Variants in IGSF21 observed in about 807,000 individuals in gnomAD.
IGSF21 encodes immunoglobulin superfamily member 21.
A neutral mutation model predicts 46.8 loss-of-function variants in IGSF21; 28 were observed. The ratio of observed to expected loss-of-function variants is 0.60; its 90% confidence interval spans 0.44 to 0.82. The LOEUF (loss-of-function observed/expected upper bound fraction) is 0.82. IGSF21 is among the 40% of genes least tolerant of loss of function. IGSF21 has a pLI of 0.00. For synonymous variants in IGSF21, 284 were observed against 273.6 expected, an observed-to-expected ratio of 1.04 and a Z score of -0.38; for missense variants, 624 against 665.5, an observed-to-expected ratio of 0.94 and a Z score of 0.69.
At chr1:18,165,016 A>G (rs867743365) in intron 1 of IGSF21, among the ~76,000 whole-genome samples, 26 of 151,766 alleles carry the variant, frequency 1.7e-4, no homozygotes, top group Admixed American at 1.6e-3. Context: ...TAGTTTGCTG[A>G]GAATGATGGT....
intron 2 of IGSF21, among the ~76,000 whole-genome samples, chr1:18,260,422 G>A (rs1208815510): frequency 6.6e-6 from 1 of 152,252 alleles, no homozygotes; most frequent in Non-Finnish European, 1.5e-5. Flanking sequence ...AGCCGATGGT[G>A]TTAGACAGCG....
At chr1:18,230,966 T>C (rs1410233121) in intron 2 of IGSF21, among the ~76,000 whole-genome samples, 2 of 151,768 alleles carry the variant, frequency 1.3e-5, no homozygotes, top group Non-Finnish European at 2.9e-5. Flanking sequence ...CCGAGTGCTG[T>C]TTGTTTTCTG....
chr1:18,279,198 G>A (rs1171386127), intron 2 of IGSF21, among the ~76,000 whole-genome samples: 1 of 152,138 alleles, frequency 6.6e-6, no homozygotes, highest in Non-Finnish European at 1.5e-5. Flanking sequence ...CCCTCCCCTG[G>A]CCACCCATCT....
At chr1:18,320,006 T>C (rs899235632) in intron 3 of IGSF21, among the ~76,000 whole-genome samples, 2 of 152,218 alleles carry the variant, frequency 1.3e-5, no homozygotes, top group Non-Finnish European at 1.5e-5. Flanking sequence ...ACATAGTAGG[T>C]ACTCAGTAAC....
intron 2 of IGSF21, among the ~76,000 whole-genome samples, chr1:18,282,161 G>A (rs1321982819): frequency 6.6e-6 from 1 of 152,150 alleles, no homozygotes; most frequent in Non-Finnish European, 1.5e-5. Flanking sequence ...GGTGAGGAGT[G>A]GGCCTGGGGG....
intron 2 of IGSF21, among the ~76,000 whole-genome samples, chr1:18,284,066 CT>C (rs2085189018): frequency 1.3e-5 from 2 of 152,188 alleles, no homozygotes; most frequent in African/African-American, 4.8e-5. Flanking sequence ...AGTTTTCTCA[CT>C]GTCCTCATCT....
chr1:18,260,864 A>G (rs933677516), intron 2 of IGSF21, among the ~76,000 whole-genome samples: 3 of 152,184 alleles, frequency 2.0e-5, no homozygotes, highest in Non-Finnish European at 4.4e-5. Context: ...CACAGTTGCC[A>G]TAGGAATCCA....
At chr1:18,364,300 A>G (rs940498387) in intron 5 of IGSF21, among the ~76,000 whole-genome samples, 3 of 151,880 alleles carry the variant, frequency 2.0e-5, no homozygotes, top group African/African-American at 4.8e-5. Flanking sequence ...TAAATGGGGG[A>G]AAAAAAACCA....
Position 18,315,859 on chromosome 1 carries a change from T to C in IGSF21, c.306-19033T>C, listed in dbSNP as rs188019387. On this transcript the variant is annotated intron_variant, in intron 3 of 9. Coordinates refer to ENST00000251296, the MANE Select transcript of IGSF21 (RefSeq NM_032880.5). The stretch of plus-strand genomic sequence containing the variant: ...GGTAGATGGGGGGTGAGTGGATGGA[T>C]AGCTGGAGAGATGAGAAGTGAGTGG... 4.6e-4 allele frequency among the ~76,000 whole-genome samples: 69 copies of C among 150,706 alleles called. No individual in the cohort carries two copies. The East Asian group carries it at 0.011, about 25-fold the overall frequency.
intron 2 of IGSF21, among the ~76,000 whole-genome samples, chr1:18,251,710 G>C (rs1009359106): frequency 3.3e-5 from 5 of 152,156 alleles, no homozygotes; most frequent in African/African-American, 1.2e-4. Flanking sequence ...TCATACAGCT[G>C]TTTCTGCTAA....
chr1:18,201,546 T>C (rs570120594), intron 1 of IGSF21, among the ~76,000 whole-genome samples: 1 of 152,172 alleles, frequency 6.6e-6, no homozygotes, highest in Non-Finnish European at 1.5e-5. Context: ...ACAGCACCCA[T>C]GTCAACTCAG....
intron 3 of IGSF21, among the ~76,000 whole-genome samples, chr1:18,310,327 A>G (rs1255996411): frequency 6.6e-6 from 1 of 152,194 alleles, no homozygotes; most frequent in Non-Finnish European, 1.5e-5. Flanking sequence ...GGGAGGTGCT[A>G]TTCTGACTTT....
rs142338716 is a variant in IGSF21 at position 18,337,589 on chromosome 1, A to G, written c.424+2579A>G. On this transcript the variant is annotated intron_variant, in intron 4 of 9. Coordinates refer to ENST00000251296, the MANE Select transcript of IGSF21 (RefSeq NM_032880.5). The surrounding 1 kb of genome is among the most constrained non-coding windows in gnomAD (Gnocchi z 5.7). ...GAACACAGCTTCACGCACCGTGGCA[A>G]CCTGGAAGCCAGGGTGTGTCTCTGG... 1.3e-5 allele frequency among the ~76,000 whole-genome samples: 2 copies of G among 152,222 alleles called. No homozygotes were observed. Among genetic ancestry groups the G allele is most frequent in the Non-Finnish European group, 2.9e-5 (2 of 68,030 alleles).
intron 6 of IGSF21, among the ~76,000 whole-genome samples, chr1:18,367,773 A>ATT (rs59394022): frequency 2.0e-4 from 29 of 147,338 alleles, no homozygotes; most frequent in African/African-American, 6.3e-4. Flanking sequence ...CATCCTGCTA[A>ATT]TTTTTTTTTT....
At chr1:18,273,012 C>G (rs1157692841) in intron 2 of IGSF21, among the ~76,000 whole-genome samples, 1 of 148,522 alleles carries the variant, frequency 6.7e-6, no homozygotes, top group African/African-American at 2.5e-5. Flanking sequence ...GCCCTCCAAT[C>G]CCTTCTCCAC....
rs897603843 is a variant in IGSF21 at position 18,290,551 on chromosome 1, C to G, written c.184-1315C>G. ...TGGAAAGTGACTGGCACAGACGTAG[C>G]CTGTGTCTGCACACAGCTGGTTGCT... On this transcript the variant is annotated intron_variant, in intron 2 of 9. Transcript: ENST00000251296. The surrounding 1 kb of genome is among the most constrained non-coding windows in gnomAD (Gnocchi z 4.2). 6.6e-6 allele frequency among the ~76,000 whole-genome samples: 1 copy of G among 152,194 alleles called. No homozygotes were observed. Among genetic ancestry groups the G allele is most frequent in the African/African-American group, 2.4e-5 (1 of 41,442 alleles).
rs1460449750 is a variant in IGSF21, at chr1:18,337,408, C to T, written c.424+2398C>T. 6.6e-6 allele frequency among the ~76,000 whole-genome samples: 1 copy of T among 152,184 alleles called. No homozygotes were observed. The highest frequency in any genetic ancestry group is 1.5e-5 in the Non-Finnish European group (1 of 68,042). Reference sequence around the variant, plus strand: ...TCATTGAAGAGCTCAGTTACTTGGACACTGTTGTTTTTATTATCACTGTCT... The same window carrying T: ...TCATTGAAGAGCTCAGTTACTTGGATACTGTTGTTTTTATTATCACTGTCT... On this transcript the variant is annotated intron_variant, in intron 4 of 9. Coordinates refer to ENST00000251296, the MANE Select transcript of IGSF21 (RefSeq NM_032880.5). The surrounding 1 kb of genome is among the most constrained non-coding windows in gnomAD (Gnocchi z 5.7).
chr1:18,270,664 T>C (rs956517893), intron 2 of IGSF21, among the ~76,000 whole-genome samples: 1 of 152,174 alleles, frequency 6.6e-6, no homozygotes, highest in Non-Finnish European at 1.5e-5. Context: ...GCGGCCATGT[T>C]GGCTGCACTG....
At chr1:18,358,046 A>T (rs641511) in intron 4 of IGSF21, among the ~76,000 whole-genome samples, 71,322 of 144,404 alleles carry the variant, frequency 0.49, 17,594 homozygotes, top group South Asian at 0.62. Flanking sequence ...AGAGAGAGAG[A>T]GTGTGTGTGT....
Sources: gnomAD v4.1 joint callset for allele counts (sites outside exome capture counted in the v4.1 genomes callset) on GRCh38, gnomAD v4.1.1 for gene constraint, Gnocchi (gnomAD v3.1) non-coding constraint, MANE v1.5 for transcripts, NCBI Gene and HGNC (gene_info 2026-07-23, HGNC 2026-07-21) for gene names.